Variants in MAP2 observed in about 807,000 individuals in gnomAD.
MAP2 encodes microtubule associated protein 2, also known as microtubule-associated protein 2.
A neutral mutation model predicts 137.6 loss-of-function variants in MAP2; 14 were observed. The observed-to-expected ratio is 0.10, with a 90% CI of 0.07 to 0.16. The LOEUF is 0.16. Ranked by LOEUF, MAP2 falls within the 10% of genes least tolerant of loss-of-function variation. The pLI, the probability that MAP2 is intolerant of heterozygous loss-of-function variation, is 1.00. For missense variants in MAP2, 2,088 were observed against 2,191.5 expected (o/e 0.95, Z 0.94); for synonymous variants, 786 against 782.3 (o/e 1.00, Z -0.08).
chr2:209,729,065 G>C (rs1379100229), intron 14 of MAP2, among the ~76,000 whole-genome samples: 1 of 152,204 alleles, frequency 6.6e-6, no homozygotes, highest in Non-Finnish European at 1.5e-5. Context: ...GAGAGCTTGA[G>C]AAAGACGTGT....
At chr2:209,507,341 T>C (rs1259069377) in intron 1 of MAP2, among the ~76,000 whole-genome samples, 3 of 152,304 alleles carry the variant, frequency 2.0e-5, no homozygotes, top group African/African-American at 7.2e-5. Flanking sequence ...TTTAAATAAG[T>C]ATAAAATAAA....
At chr2:209,675,511 T>C (rs2050938679) in intron 5 of MAP2, among the ~76,000 whole-genome samples, 3 of 151,888 alleles carry the variant, frequency 2.0e-5, no homozygotes, top group Non-Finnish European at 4.4e-5. Flanking sequence ...GTAATACTTC[T>C]ATTCTCCTTT....
At chr2:209,565,460 TC>T (rs1016832554) in intron 2 of MAP2, among the ~76,000 whole-genome samples, 4 of 152,036 alleles carry the variant, frequency 2.6e-5, no homozygotes, top group African/African-American at 9.7e-5. Context: ...GCTCAAGCGA[TC>T]CTCCCACTTC....
intron 1 of MAP2, among the ~76,000 whole-genome samples, chr2:209,446,448 A>T (rs1699076713): frequency 6.6e-6 from 1 of 151,872 alleles, no homozygotes; most frequent in Non-Finnish European, 1.5e-5. Flanking sequence ...AGTTCTGGAA[A>T]AAAATAGAAT....
intron 14 of MAP2, among the ~76,000 whole-genome samples, chr2:209,726,746 A>G (rs1192677230): frequency 6.6e-6 from 1 of 152,224 alleles, no homozygotes. Context: ...CCTAGGCAAC[A>G]GAGCAAGACC....
intron 2 of MAP2, among the ~76,000 whole-genome samples, chr2:209,554,852 A>C (rs2070152173): frequency 6.7e-6 from 1 of 149,514 alleles, no homozygotes; most frequent in South Asian, 2.1e-4. Flanking sequence ...ATTTAAATAC[A>C]CAGTAACTAT....
At chr2:209,505,648 T>TTTTTTG (rs761158696) in intron 1 of MAP2, among the ~76,000 whole-genome samples, 30 of 149,106 alleles carry the variant, frequency 2.0e-4, no homozygotes, top group Non-Finnish European at 3.7e-4. Flanking sequence ...CTGCTGTGGG[T>TTTTTTG]TTTTTGTTTT....
At chr2:209,577,035 C>T (rs758564007) in intron 2 of MAP2, among the ~76,000 whole-genome samples, 1 of 152,162 alleles carries the variant, frequency 6.6e-6, no homozygotes, top group Non-Finnish European at 1.5e-5. Context: ...TATGTGCTTT[C>T]ATGATAGAAT....
At chr2:209,562,714 A>C (rs1454921374) in intron 2 of MAP2, among the ~76,000 whole-genome samples, 1 of 151,970 alleles carries the variant, frequency 6.6e-6, no homozygotes, top group Non-Finnish European at 1.5e-5. Context: ...ACAAAAAGCG[A>C]ATGCAAACAG....
rs150815911 is a variant in MAP2, at chr2:209,424,892, C to T, written c.-222+616C>T. On this transcript the variant is annotated intron_variant, in intron 1 of 15. Transcript: ENST00000682079. ...GAGTCTGGTTAGGCTTCCACACAGT[C>T]GTTTTTCTTTTTAAACGTTGGGGGT... Among the ~76,000 whole-genome samples, 235 of 152,266 alleles carry T rather than the reference C, an allele frequency of 1.5e-3. 1 individual carries two copies. Among genetic ancestry groups the T allele is most frequent in the African/African-American group, 5.4e-3 (226 of 41,558 alleles).
rs1317776445 is a variant in MAP2 at position 209,731,067 on chromosome 2, G to A, written c.*670G>A. ...CATTAGGAATGATGCACTTTCATTA[G>A]GATGGACTCGTGTCTGATTAGAATG... is the stretch of plus-strand genomic sequence containing the variant. On this transcript the variant is annotated 3_prime_UTR_variant, in exon 16 of 16. Coordinates refer to ENST00000682079, the MANE Select transcript of MAP2 (RefSeq NM_001375505.1). 6.6e-6 allele frequency: 1 copy of A among 152,586 alleles called. No homozygotes were observed. The highest frequency in any genetic ancestry group is 1.5e-5 in the Non-Finnish European group (1 of 68,086). The allele number at this position is 152,586 out of a possible 1,614,324, so 9.5% of individuals were successfully genotyped here.
intron 3 of MAP2, among the ~76,000 whole-genome samples, chr2:209,588,849 G>T (rs1384479179): frequency 6.6e-6 from 1 of 151,988 alleles, no homozygotes; most frequent in Non-Finnish European, 1.5e-5. Flanking sequence ...TTCCTAAAAT[G>T]ATTGACTTTC....
At chr2:209,720,638 C>CAAAAAA (rs3036697) in intron 13 of MAP2, among the ~76,000 whole-genome samples, 1 of 72,806 alleles carries the variant, frequency 1.4e-5, no homozygotes, top group African/African-American at 4.8e-5. Flanking sequence ...TACTTGGTCT[C>CAAAAAA]AAAAAAAAAA....
chr2:209,468,772 A>G (rs757036956), intron 1 of MAP2, among the ~76,000 whole-genome samples: 79 of 152,232 alleles, frequency 5.2e-4, no homozygotes, highest in Non-Finnish European at 4.0e-4. Flanking sequence ...AAAGAGTGTT[A>G]CAGATTGCAT....
intron 3 of MAP2, among the ~76,000 whole-genome samples, chr2:209,617,319 T>C (rs1345854950): frequency 1.3e-5 from 2 of 152,144 alleles, no homozygotes. Flanking sequence ...GAGGGGGTTA[T>C]GGGTGAAAAA....
chr2:209,431,220 A>G (rs977145105), intron 1 of MAP2, among the ~76,000 whole-genome samples: 1 of 152,194 alleles, frequency 6.6e-6, no homozygotes, highest in African/African-American at 2.4e-5. Context: ...TCTCCATTAA[A>G]AAAATGGCAT....
chr2:209,440,776 G>A (rs992184451), intron 1 of MAP2, among the ~76,000 whole-genome samples: 1 of 151,454 alleles, frequency 6.6e-6, no homozygotes, highest in African/African-American at 2.4e-5. Flanking sequence ...TATTCAGCAA[G>A]TGTTTATTAA....
At chr2:209,649,205 G>GT (rs2094613038) in intron 4 of MAP2, among the ~76,000 whole-genome samples, 2 of 103,490 alleles carry the variant, frequency 1.9e-5, no homozygotes, top group Non-Finnish European at 1.8e-5. Flanking sequence ...TTGTAGAGAT[G>GT]GGGGTCTCAC....
chr2:209,661,825 A>G (rs1427378198), intron 5 of MAP2: 1 of 270,680 alleles, frequency 3.7e-6, no homozygotes, highest in Admixed American at 6.5e-5. Context: ...TATGGATATT[A>G]TAATAAAGAA....
Sources: gnomAD v4.1 joint callset for allele counts (sites outside exome capture counted in the v4.1 genomes callset) on GRCh38, gnomAD v4.1.1 for gene constraint, MANE v1.5 for transcripts, NCBI Gene and HGNC (gene_info 2026-07-23, HGNC 2026-07-21) for gene names.